Variants in GLDN observed in about 807,000 individuals in gnomAD.
GLDN encodes collomin.
A neutral mutation model predicts 56.5 loss-of-function variants in GLDN; 47 were observed. That is an observed-to-expected ratio of 0.83 (90% CI 0.66 to 1.06). The LOEUF (loss-of-function observed/expected upper bound fraction) is 1.06, where lower values mean the gene tolerates loss of function less well. Ranked by LOEUF, GLDN falls within the 50% of genes least tolerant of loss-of-function variation. The pLI is 0.00. For missense variants in GLDN, 782 were observed against 714.3 expected, an observed-to-expected ratio of 1.09 and a Z score of -1.08; for synonymous variants, 332 against 278.8, an observed-to-expected ratio of 1.19 and a Z score of -1.90.
intron 1 of GLDN, among the ~76,000 whole-genome samples, chr15:51,372,774 T>A (rs1484519714): frequency 2.0e-5 from 3 of 152,350 alleles, no homozygotes; most frequent in Non-Finnish European, 4.4e-5. Context: ...CGGGCACTAT[T>A]CTAGACACAG....
Position 51,390,843 on chromosome 15 carries a change from G to A in GLDN, c.542-3992G>A, listed in dbSNP as rs1247805041. On this transcript the variant is annotated intron_variant, in intron 4 of 9. Transcript: ENST00000335449. ...AGGCAGAGTCCGGCCTTTCTTCTCT[G>A]GCAGAATGTGCCAACTCAAAGCCAG... Among the ~76,000 whole-genome samples, 7 of 152,098 alleles carry A rather than the reference G, an allele frequency of 4.6e-5. No individual in the cohort carries two copies. In the East Asian group the frequency reaches 1.4e-3, roughly 29 times the overall value.
In GLDN at chr15:51,404,420, G is replaced by T; in HGVS notation, c.1322G>T (p.Ser441Ile). The part of the protein sequence containing the change: ...EKGLWIIYAS[S>I]VDGSSILVAQ... ...GGCCTTTGGATTATCTATGCGTCAA[G>T]TGTGGACGGCTCGAGCATTCTTGTA... The change falls in exon 10 of 10, where the codon AGT becomes ATT. Residue 441 changes from serine to isoleucine, a missense_variant. By Grantham distance (142) the Ser-to-Ile change is moderately radical. Coordinates refer to ENST00000335449, the MANE Select transcript of GLDN (RefSeq NM_181789.4). 7 of 1,614,190 alleles carry T rather than the reference G, an allele frequency of 4.3e-6. No individual in the cohort carries two copies. Among genetic ancestry groups the T allele is most frequent in the South Asian group, 1.1e-5 (1 of 91,084 alleles).
At chr15:51,376,446 G>T (rs2096177435) in intron 1 of GLDN, among the ~76,000 whole-genome samples, 1 of 152,242 alleles carries the variant, frequency 6.6e-6, no homozygotes, top group African/African-American at 2.4e-5. Flanking sequence ...CAGTGAGTGA[G>T]TGGTGAGTGA....
intron 4 of GLDN, among the ~76,000 whole-genome samples, chr15:51,391,522 G>A (rs940816219): frequency 2.6e-5 from 4 of 152,140 alleles, no homozygotes; most frequent in East Asian, 1.9e-4. Flanking sequence ...CAATGCCCTC[G>A]TTTTTTGTCT....
chr15:51,373,988 C>A (rs972551633), intron 1 of GLDN, among the ~76,000 whole-genome samples: 1 of 152,198 alleles, frequency 6.6e-6, no homozygotes, highest in Non-Finnish European at 1.5e-5. Context: ...TTTATGGCCA[C>A]ACCTTTTCAT....
intron 1 of GLDN, among the ~76,000 whole-genome samples, chr15:51,362,563 C>G (rs1422215126): frequency 6.6e-6 from 1 of 151,258 alleles, no homozygotes; most frequent in African/African-American, 2.4e-5. Context: ...GGACAAGAGA[C>G]CAGTTCATGT....
intron 2 of GLDN, among the ~76,000 whole-genome samples, chr15:51,380,472 T>C (rs1333733924): frequency 1.3e-5 from 2 of 152,178 alleles, no homozygotes; most frequent in African/African-American, 4.8e-5. Context: ...CATTTGACAT[T>C]ATTTGACACA....
chr15:51,388,719 T>C (rs1595831183), intron 4 of GLDN, among the ~76,000 whole-genome samples: 1 of 152,230 alleles, frequency 6.6e-6, no homozygotes, highest in Non-Finnish European at 1.5e-5. Context: ...GGACACCTGC[T>C]CTTAACCACA....
intron 9 of GLDN, among the ~76,000 whole-genome samples, chr15:51,401,997 G>T (rs187601605): frequency 6.6e-6 from 1 of 152,226 alleles, no homozygotes; most frequent in Non-Finnish European, 1.5e-5. Context: ...CCAGGGAGAA[G>T]TAGACCTGGA....
chr15:51,394,690 C>A, intron 4 of GLDN, 145 bp from the exon 5 acceptor site: 1 of 700,422 alleles, frequency 1.4e-6, no homozygotes, highest in South Asian at 1.9e-5. Context: ...CGTATGGTCA[C>A]ACTGCTGCTC....
chr15:51,389,263 G>C lies in GLDN; in HGVS notation c.541+5371G>C, dbSNP rs543472450. Among the ~76,000 whole-genome samples, 14 of 152,330 alleles carry C rather than the reference G, an allele frequency of 9.2e-5. No homozygotes were observed. The South Asian group carries it at 2.7e-3, about 29-fold the overall frequency. On this transcript the variant is annotated intron_variant, in intron 4 of 9. Coordinates refer to ENST00000335449, the MANE Select transcript of GLDN (RefSeq NM_181789.4). ...ATGTATTATAGATTTTATTATTCAT[G>C]ACATCTCTTAGCTAGGGCCCAGCTA...
In GLDN at chr15:51,378,535, T is replaced by A. The variant is rs1413649782; in HGVS notation, c.415+1035T>A. ...AAAGCCTCTTCCTTTTTGATTTTTT[T>A]AATATAGACCTGAGAGCCAGGCTGT... is the stretch of plus-strand genomic sequence containing the variant. On this transcript the variant is annotated intron_variant, in intron 2 of 9. Coordinates refer to ENST00000335449, the MANE Select transcript of GLDN (RefSeq NM_181789.4). Among the ~76,000 whole-genome samples, 9 of 152,166 alleles carry A rather than the reference T, an allele frequency of 5.9e-5. No homozygotes were observed. In the South Asian group the frequency reaches 6.2e-4, roughly 11 times the overall value.
chr15:51,405,853 T>C lies in GLDN; in HGVS notation c.*1099T>C, dbSNP rs796951215. On this transcript the variant is annotated 3_prime_UTR_variant, in exon 10 of 10. Coordinates refer to ENST00000335449, the MANE Select transcript of GLDN (RefSeq NM_181789.4). ...TTTTACTGAGCACAGCCACACTCATTTGTTTATGCAGTACGGCCTGACATT... is the reference window on the plus strand; with the variant it reads ...TTTTACTGAGCACAGCCACACTCATCTGTTTATGCAGTACGGCCTGACATT... 3 of 152,320 alleles carry C rather than the reference T, an allele frequency of 2.0e-5. No individual in the cohort carries two copies. Among genetic ancestry groups the C allele is most frequent in the African/African-American group, 7.2e-5 (3 of 41,576 alleles). The allele number at this position is 152,320 out of a possible 1,614,324, so 9.4% of individuals were successfully genotyped here. A position where few individuals can be genotyped will look rare whatever the true frequency, so the allele number is the denominator to read the frequency against.
intron 1 of GLDN, among the ~76,000 whole-genome samples, chr15:51,365,915 G>A (rs1208480821): frequency 6.6e-6 from 1 of 152,130 alleles, no homozygotes; most frequent in East Asian, 1.9e-4. Context: ...ATTTGTATGT[G>A]TTTAAAACAG....
rs1209692481 is a variant in GLDN, at chr15:51,365,388, AT to A, written c.364-12056del. ...TTTTGTGTATAATACACGTTTCCAT[AT>A]TTTTCCTGTAATAACAATTATAATG... On this transcript the variant is annotated intron_variant, in intron 1 of 9. Coordinates refer to ENST00000335449, the MANE Select transcript of GLDN (RefSeq NM_181789.4). Among the ~76,000 whole-genome samples the A allele has an allele frequency of 3.3e-5, 5 of 152,104 alleles. No homozygotes were observed. In the East Asian group the frequency reaches 9.6e-4, roughly 29 times the overall value.
chr15:51,408,488 G>T (rs2038428731), downstream of GLDN, among the ~76,000 whole-genome samples: 2 of 152,100 alleles, frequency 1.3e-5, 1 homozygote, highest in South Asian at 4.2e-4. Flanking sequence ...AATTATAATT[G>T]TTACTTTTAT....
intron 1 of GLDN, among the ~76,000 whole-genome samples, chr15:51,363,994 C>T (rs186368577): frequency 4.9e-4 from 75 of 152,192 alleles, no homozygotes; most frequent in African/African-American, 1.8e-3. Context: ...GTGGAATGTG[C>T]CATTTTTCCT....
intron 1 of GLDN, among the ~76,000 whole-genome samples, chr15:51,355,521 CTTTCTT>C (rs2037158162): frequency 7.0e-6 from 1 of 142,922 alleles, no homozygotes; most frequent in Non-Finnish European, 1.5e-5. Context: ...CTTTTTCTTT[CTTTCTT>C]TTTTTTTTTT....
In GLDN at chr15:51,404,932, T is replaced by A; in HGVS notation, c.*178T>A. On this transcript the variant is annotated 3_prime_UTR_variant, in exon 10 of 10. Coordinates refer to ENST00000335449, the MANE Select transcript of GLDN (RefSeq NM_181789.4). ...GCAACAGATTGGAAGTTGAAATGGCTGAGATTTGGTGATCTCCCCACAGCT... is the reference window on the plus strand; with the variant it reads ...GCAACAGATTGGAAGTTGAAATGGCAGAGATTTGGTGATCTCCCCACAGCT... 1.7e-6 allele frequency: 1 copy of A among 577,104 alleles called. No individual in the cohort carries two copies. 35.7% of individuals were successfully genotyped at this position (577,104 alleles called of 1,614,324 possible). A position where few individuals can be genotyped will look rare whatever the true frequency, so the allele number is the denominator to read the frequency against.
Sources: allele counts gnomAD v4.1 joint callset (sites outside exome capture counted in the v4.1 genomes callset), GRCh38; gene constraint gnomAD v4.1.1; transcripts MANE v1.5; gene names NCBI Gene and HGNC (gene_info 2026-07-23, HGNC 2026-07-21).